Variants in RPS6KA2 observed in about 807,000 individuals in gnomAD.
RPS6KA2 encodes the protein ribosomal protein S6 kinase alpha-2.
RPS6KA2 carries 42 observed loss-of-function variants against 91.8 expected under a neutral mutation model. That is an observed-to-expected ratio of 0.46 (90% CI 0.36 to 0.59). The LOEUF is 0.59. Ranked by LOEUF, RPS6KA2 falls within the 20% of genes least tolerant of loss-of-function variation. The probability of loss-of-function intolerance (pLI) is 0.00; values close to 1 mark genes in which losing one functional copy is unlikely to be tolerated. For missense variants in RPS6KA2, 798 were observed against 978.5 expected (o/e 0.82, Z 2.46); for synonymous variants, 414 against 393.6 (o/e 1.05, Z -0.61).
chr6:166,678,835 C>G (rs1244929734), intron 2 of RPS6KA2, among the ~76,000 whole-genome samples: 2 of 152,172 alleles, frequency 1.3e-5, no homozygotes, highest in Non-Finnish European at 2.9e-5. Context: ...GGGCTGGGCT[C>G]TCAACCGCAA....
intron 19 of RPS6KA2, among the ~76,000 whole-genome samples, chr6:166,415,456 A>C (rs147258858): frequency 5.9e-4 from 90 of 152,320 alleles, no homozygotes; most frequent in East Asian, 4.6e-3. Context: ...AGTAAGAGAA[A>C]GGAAGAGGCA....
Position 166,638,631 on chromosome 6 carries a change from C to T in RPS6KA2, c.124-99847G>A, listed in dbSNP as rs562295513. ...AAATATCTTGAATTAAATTTCTACC[C>T]GCTGTTCAGATCCTATGACCTGACT... On this transcript the variant is annotated intron_variant, in intron 2 of 21. Coordinates refer to the RPS6KA2 transcript ENST00000503859. 1.9e-4 allele frequency among the ~76,000 whole-genome samples: 29 copies of T among 152,322 alleles called. No homozygotes were observed. The South Asian group carries it at 5.4e-3, about 28-fold the overall frequency.
rs527476081 is a variant in RPS6KA2 at position 166,627,229 on chromosome 6, C to A, written c.-210G>T. 5 of 1,024,164 alleles carry A rather than the reference C, an allele frequency of 4.9e-6. No homozygotes were observed. The highest frequency in any genetic ancestry group is 1.7e-5 in the African/African-American group (1 of 58,054). 63.4% of individuals were successfully genotyped at this position (1,024,164 alleles called of 1,614,324 possible). On this transcript the variant is annotated 5_prime_UTR_variant, in exon 1 of 21. Transcript: ENST00000265678. ...GGGGCCACAATCGCTCCCTCCGCCT[C>A]CTTCTCCGCCTCCCCTGCGAGTACC...
At chr6:166,467,439 T>A (rs1227655767) in intron 11 of RPS6KA2, among the ~76,000 whole-genome samples, 1 of 152,000 alleles carries the variant, frequency 6.6e-6, no homozygotes, top group South Asian at 2.1e-4. Context: ...TGATAAGGGA[T>A]ATGAAAACAG....
chr6:166,750,749 A>G (rs766407175), intron 2 of RPS6KA2, among the ~76,000 whole-genome samples: 1 of 152,210 alleles, frequency 6.6e-6, no homozygotes, highest in Non-Finnish European at 1.5e-5. Flanking sequence ...TGCACCAGAA[A>G]GAGAAGAGTG....
chr6:166,527,724 C>A (rs1476742587), intron 3 of RPS6KA2, among the ~76,000 whole-genome samples: 1 of 152,134 alleles, frequency 6.6e-6, no homozygotes, highest in Admixed American at 6.5e-5. Flanking sequence ...CTCTCACCCC[C>A]CAGCCTAGGA....
intron 2 of RPS6KA2, among the ~76,000 whole-genome samples, chr6:166,678,147 G>A (rs1055383776): frequency 2.0e-5 from 3 of 152,168 alleles, no homozygotes; most frequent in Non-Finnish European, 4.4e-5. Context: ...TATGCCAGCC[G>A]TCAAGTTGTG....
At chr6:166,625,376 G>A (rs1786835044) in intron 1 of RPS6KA2, among the ~76,000 whole-genome samples, 1 of 117,112 alleles carries the variant, frequency 8.5e-6, no homozygotes, top group Non-Finnish European at 1.6e-5. Context: ...CCGGAGGCAC[G>A]CCTGCAGCCC....
rs976324272 is a variant in RPS6KA2, at chr6:166,409,629, C to G, written c.*3133G>C. The G allele has an allele frequency of 6.6e-6, 1 of 152,472 alleles. No homozygotes were observed. The highest frequency in any genetic ancestry group is 1.5e-5 in the Non-Finnish European group (1 of 68,054). The allele number at this position is 152,472 out of a possible 1,614,324, so 9.4% of individuals were successfully genotyped here. ...TCCGTCCTCAGCCCCTCAAGCTGCG[C>G]TGGAGTCCACCTTCCGCCCTCTCCA... On this transcript the variant is annotated 3_prime_UTR_variant, in exon 21 of 21. Coordinates refer to ENST00000265678, the MANE Select transcript of RPS6KA2 (RefSeq NM_021135.6).
At chr6:166,631,624 G>A (rs1191442853), upstream of RPS6KA2, among the ~76,000 whole-genome samples, 1 of 152,236 alleles carries the variant, frequency 6.6e-6, no homozygotes, top group African/African-American at 2.4e-5. Context: ...TAACTTTCCT[G>A]GTAACACAGA....
In RPS6KA2 at chr6:166,500,763, T is replaced by A; in HGVS notation, c.604+124A>T. Reference sequence around the variant, plus strand: ...TGTAGCTATAGAAAATTCTGCCAAATCAGAGACAAGCATCTGGCAAAGGGA... The same window carrying A: ...TGTAGCTATAGAAAATTCTGCCAAAACAGAGACAAGCATCTGGCAAAGGGA... On this transcript the variant is annotated intron_variant, in intron 7 of 20. Coordinates refer to ENST00000265678, the MANE Select transcript of RPS6KA2 (RefSeq NM_021135.6). The surrounding 1 kb of genome is among the most constrained non-coding windows in gnomAD (Gnocchi z 4.3). 1 of 882,704 alleles carries A rather than the reference T, an allele frequency of 1.1e-6. No individual in the cohort carries two copies. The highest frequency in any genetic ancestry group is 1.8e-6 in the Non-Finnish European group (1 of 543,700). The allele number at this position is 882,704 out of a possible 1,614,324, so 54.7% of individuals were successfully genotyped here.
chr6:166,669,901 T>C (rs1282872072), intron 2 of RPS6KA2, among the ~76,000 whole-genome samples: 1 of 152,132 alleles, frequency 6.6e-6, no homozygotes, highest in African/African-American at 2.4e-5. Flanking sequence ...GCAGGTGTGA[T>C]AGCAAGGAGG....
At chr6:166,774,162 G>A (rs185793745) in intron 2 of RPS6KA2, among the ~76,000 whole-genome samples, 1 of 152,222 alleles carries the variant, frequency 6.6e-6, no homozygotes, top group East Asian at 1.9e-4. Context: ...TGATCCTCAG[G>A]GGTCTTTTAT....
At chr6:166,507,782 A>T (rs1006676938) in intron 5 of RPS6KA2, among the ~76,000 whole-genome samples, 1 of 150,480 alleles carries the variant, frequency 6.6e-6, no homozygotes, top group African/African-American at 2.5e-5. Context: ...CACACATCAC[A>T]CACATACCAC....
At chr6:166,562,651 GCCTCAGGCTCAACCTGGC>G (rs1784377468) in intron 1 of RPS6KA2, among the ~76,000 whole-genome samples, 1 of 152,216 alleles carries the variant, frequency 6.6e-6, no homozygotes, top group South Asian at 2.1e-4. Context: ...CCCTTTCTCT[GCCTCAGGCTCAACCTGGC>G]GGGAAAGACA....
chr6:166,641,202 A>G (rs1787422396), intron 2 of RPS6KA2, among the ~76,000 whole-genome samples: 1 of 152,136 alleles, frequency 6.6e-6, no homozygotes, highest in Non-Finnish European at 1.5e-5. Context: ...ACAGATACAA[A>G]CTGTGGGCAA....
intron 1 of RPS6KA2, among the ~76,000 whole-genome samples, chr6:166,619,881 T>G (rs1219320372): frequency 6.6e-6 from 1 of 152,250 alleles, no homozygotes; most frequent in Admixed American, 6.5e-5. Flanking sequence ...CTGTGCGAGC[T>G]TCTTAAGTAG....
chr6:166,677,651 A>G (rs1310967056), intron 2 of RPS6KA2, among the ~76,000 whole-genome samples: 1 of 152,244 alleles, frequency 6.6e-6, no homozygotes, highest in Non-Finnish European at 1.5e-5. Flanking sequence ...CTGAGTAGGT[A>G]TTAATGCTAT....
In RPS6KA2 at chr6:166,493,901, C is replaced by T. The variant is rs529406609; in HGVS notation, c.748-3160G>A. Among the ~76,000 whole-genome samples, 1 of 152,188 alleles carries T rather than the reference C, an allele frequency of 6.6e-6. No homozygotes were observed. On this transcript the variant is annotated intron_variant, in intron 8 of 20. Transcript: ENST00000265678. The surrounding 1 kb of genome is among the most constrained non-coding windows in gnomAD (Gnocchi z 4.7). ...GGCTGAGAAGCCCTGTCTAAAGGGACAGCTAAGGAACCTGGAAAGAGTGGC... is the reference window on the plus strand; with the variant it reads ...GGCTGAGAAGCCCTGTCTAAAGGGATAGCTAAGGAACCTGGAAAGAGTGGC...
Sources: allele counts gnomAD v4.1 joint callset (sites outside exome capture counted in the v4.1 genomes callset), GRCh38; gene constraint gnomAD v4.1.1; non-coding constraint Gnocchi (gnomAD v3.1); transcripts MANE v1.5; gene names NCBI Gene and HGNC (gene_info 2026-07-23, HGNC 2026-07-21).